CYP4F2: variants seen among roughly 807,000 people sequenced by gnomAD.
CYP4F2 encodes cytochrome P450 4F2.
A neutral mutation model predicts 58.9 loss-of-function variants in CYP4F2; 58 were observed. The observed-to-expected ratio is 0.98, with a 90% CI of 0.80 to 1.23. The LOEUF (loss-of-function observed/expected upper bound fraction) is 1.23, where lower values mean the gene tolerates loss of function less well. Among genes scored for constraint, CYP4F2 ranks in the 50% most tolerant of loss-of-function variants. CYP4F2 has a pLI of 0.00. For synonymous variants in CYP4F2, 287 were observed against 261.1 expected, an observed-to-expected ratio of 1.10 and a Z score of -0.95; for missense variants, 616 against 685.6, an observed-to-expected ratio of 0.90 and a Z score of 1.13.
intron 3 of CYP4F2, among the ~76,000 whole-genome samples, chr19:15,894,280 A>C (rs1005441554): frequency 9.9e-5 from 15 of 152,202 alleles, no homozygotes; most frequent in African/African-American, 3.1e-4. Context: ...CCAAAACAGT[A>C]GCTCTGGAAG....
At chr19:15,891,367 T>C (rs759999504) in intron 5 of CYP4F2, among the ~76,000 whole-genome samples, 2 of 152,196 alleles carry the variant, frequency 1.3e-5, no homozygotes, top group African/African-American at 4.8e-5. Flanking sequence ...GTCTGTGTCA[T>C]GAGTAGTAAA....
At chr19:15,890,551 C>A in intron 5 of CYP4F2, 118 bp from the exon 6 acceptor site, 1 of 1,476,664 alleles carries the variant, frequency 6.8e-7, no homozygotes. Context: ...CCCCAGGGAC[C>A]CCTCCCCAGG....
intron 7 of CYP4F2, chr19:15,886,510 G>T: frequency 5.1e-6 from 3 of 593,044 alleles, no homozygotes; most frequent in Non-Finnish European, 5.8e-6. Context: ...TGGCTTCCTT[G>T]CCTCCTCTTG....
rs200975513 is a variant in CYP4F2 at position 15,879,747 on chromosome 19, C to T, written c.1249+17G>A. 1.5e-4 allele frequency: 243 copies of T among 1,613,908 alleles called. 5 individuals carry two copies. In the East Asian group the frequency reaches 4.4e-3, roughly 29 times the overall value. ...TCTTCCTACCCAGGAGACTCCTCCC[C>T]GTGAGGCTGTGAGCACCTTTGGGGA... On this transcript the variant is annotated intron_variant, in intron 10 of 12. Coordinates refer to ENST00000221700, the MANE Select transcript of CYP4F2 (RefSeq NM_001082.5).
At chr19:15,890,221 G>T (rs773204630) in intron 6 of CYP4F2, 91 bp downstream of exon 6, 7 of 1,598,374 alleles carry the variant, frequency 4.4e-6, no homozygotes, top group Non-Finnish European at 6.0e-6. Context: ...CTCCAGGAAG[G>T]TTTGTCTGGT....
At chr19:15,883,783 G>A (rs1361328180) in intron 9 of CYP4F2, among the ~76,000 whole-genome samples, 3 of 152,290 alleles carry the variant, frequency 2.0e-5, no homozygotes, top group East Asian at 1.9e-4. Context: ...TGTGGCGGCC[G>A]GGTGCGGTGG....
chr19:15,895,757 G>A, intron 2 of CYP4F2, 107 bp from the exon 3 acceptor site: 3 of 1,383,962 alleles, frequency 2.2e-6, no homozygotes, highest in Non-Finnish European at 2.9e-6. Context: ...ATTTCTGGGT[G>A]TGTCTAATCT....
At chr19:15,892,706 G>A (rs531253402) in intron 3 of CYP4F2, 124 bp from the exon 4 acceptor site, 17 of 1,424,216 alleles carry the variant, frequency 1.2e-5, no homozygotes, top group Middle Eastern at 1.9e-4. Flanking sequence ...AGCAGGAAGA[G>A]GGCCAAGGGC....
rs2145009004 is a variant in CYP4F2 at position 15,889,544 on chromosome 19, A to T, written c.797T>A (p.Phe266Tyr). 6.2e-7 allele frequency: 1 copy of T among 1,614,186 alleles called. No homozygotes were observed. Among genetic ancestry groups the T allele is most frequent in the Non-Finnish European group, 8.5e-7 (1 of 1,180,042 alleles). ...CCGCTCCTGGATGACGGCATCTGTG[A>T]AGTCGTGCACCAGGCGGCAGGCCCT... ...FRRACRLVHD[F>Y]TDAVIQERRR... The change falls in exon 7 of 13, where the codon TTC (phenylalanine) becomes TAC (tyrosine). Residue 266 changes from phenylalanine to tyrosine, a missense_variant. Transcript: ENST00000221700.
intron 12 of CYP4F2, 149 bp from the exon 13 acceptor site, chr19:15,879,085 C>T (rs911734112): frequency 2.2e-5 from 30 of 1,352,594 alleles, no homozygotes; most frequent in Admixed American, 1.6e-4. Flanking sequence ...CCCATGCGGG[C>T]TTGCATATCC....
In CYP4F2 at chr19:15,895,517, A is replaced by G; in HGVS notation, c.332T>C (p.Ile111Thr). The G allele has an allele frequency of 1.3e-6, 2 of 1,526,212 alleles. No individual in the cohort carries two copies. Among genetic ancestry groups the G allele is most frequent in the Non-Finnish European group, 1.7e-6 (2 of 1,146,922 alleles). The allele number at this position is 1,526,212 out of a possible 1,614,324, so 94.5% of individuals were successfully genotyped here. A position where few individuals can be genotyped will look rare whatever the true frequency, so the allele number is the denominator to read the frequency against. ...LCHPDIIRSV[I>T]NASAAIAPKD... ...GTTCCAGATGGTACCTGAGGCGTTG[A>G]TGACAGACCGGATGATGTCGGGGTG... Residue 111 changes from isoleucine to threonine, a missense_variant, in exon 3 of 13, where the codon ATC becomes ACC. Physicochemically the swap from Ile to Thr is moderately conservative, Grantham distance 89. Coordinates refer to ENST00000221700, the MANE Select transcript of CYP4F2 (RefSeq NM_001082.5).
intron 5 of CYP4F2, among the ~76,000 whole-genome samples, chr19:15,891,525 T>A (rs917156103): frequency 1.3e-5 from 2 of 152,198 alleles, no homozygotes; most frequent in Admixed American, 6.5e-5. Context: ...TCCTGCCATA[T>A]CCACACCCTT....
rs1158795286 is a variant in CYP4F2 at position 15,889,655 on chromosome 19, C to G, written c.686G>C (p.Ser229Thr). 1 of 1,614,130 alleles carries G rather than the reference C, an allele frequency of 6.2e-7. No individual in the cohort carries two copies. Among genetic ancestry groups the G allele is most frequent in the Non-Finnish European group, 8.5e-7 (1 of 1,180,012 alleles). Reference sequence around the variant, plus strand: ...ATGGTGTCTTTTTGATACAAGGGCACTGAGCTCCAAGATGGCGGCAATATA... The same window carrying G: ...ATGGTGTCTTTTTGATACAAGGGCAGTGAGCTCCAAGATGGCGGCAATATA... The part of the protein sequence containing the change: ...SEYIAAILEL[S>T]ALVSKRHHEI... The change falls in exon 7 of 13, where the codon AGT becomes ACT. Residue 229 changes from serine (S) to threonine (T), a missense_variant. Coordinates refer to ENST00000221700, the MANE Select transcript of CYP4F2 (RefSeq NM_001082.5).
rs143831754 is a variant in CYP4F2, at chr19:15,895,636, C to T, written c.213G>A (p.Glu71=). 3.0e-4 allele frequency: 473 copies of T among 1,597,922 alleles called. 8 individuals are homozygous for T. The South Asian group carries it at 4.5e-3, about 15-fold the overall frequency. The change falls in exon 3 of 13, where the codon GAG becomes GAA. Residue 71 remains glutamate, a synonymous_variant. Transcript: ENST00000221700. ...WGHQGMVNPT[E]EGMRVLTQLV... is the part of the protein sequence containing the mutation. The stretch of plus-strand genomic sequence containing the variant: ...GCTGAGTCAGAACTCTCATGCCCTC[C>T]TCTGTGGGGTTGACCTGCAAGCAAG...
chr19:15,889,315 C>A (rs1004091372), intron 7 of CYP4F2, 108 bp downstream of exon 7: 15 of 1,590,754 alleles, frequency 9.4e-6, no homozygotes, highest in African/African-American at 1.3e-5. Context: ...TCCTCAATCA[C>A]CTTCCATGGC....
chr19:15,889,063 T>A (rs1166370732), intron 7 of CYP4F2, among the ~76,000 whole-genome samples: 1 of 152,102 alleles, frequency 6.6e-6, no homozygotes, highest in African/African-American at 2.4e-5. Flanking sequence ...GACATACACA[T>A]AGTCACAGTC....
chr19:15,889,970 G>C (rs1395980645), intron 6 of CYP4F2, among the ~76,000 whole-genome samples: 1 of 152,096 alleles, frequency 6.6e-6, no homozygotes, highest in Non-Finnish European at 1.5e-5. Flanking sequence ...CCAGTATACA[G>C]TCCTGACCCG....
chr19:15,886,218 C>A, intron 8 of CYP4F2, 24 bp downstream of exon 8: 2 of 1,613,990 alleles, frequency 1.2e-6, no homozygotes, highest in South Asian at 2.2e-5. Context: ...GGTCCCCTCT[C>A]TAGCCCCACA....
At chr19:15,890,503 C>T in intron 5 of CYP4F2, 70 bp from the exon 6 acceptor site, 1 of 1,587,002 alleles carries the variant, frequency 6.3e-7, no homozygotes, top group Non-Finnish European at 8.6e-7. Flanking sequence ...ACCCCAACTG[C>T]CAAGATGGGC....
Sources: allele counts gnomAD v4.1 joint callset (sites outside exome capture counted in the v4.1 genomes callset), GRCh38; gene constraint gnomAD v4.1.1; transcripts MANE v1.5; gene names NCBI Gene and HGNC (gene_info 2026-07-23, HGNC 2026-07-21).